HMGXB4: variants seen among roughly 807,000 people sequenced by gnomAD.
HMGXB4 encodes HMG-box containing 4, also known as HMG domain-containing protein 4.
HMGXB4 carries 27 observed loss-of-function variants against 63.9 expected under a neutral mutation model. The ratio of observed to expected loss-of-function variants is 0.42; its 90% CI spans 0.31 to 0.58. HMGXB4 has a LOEUF of 0.58. Ranked by LOEUF, HMGXB4 falls within the 20% of genes least tolerant of loss-of-function variation. The probability of loss-of-function intolerance (pLI) is 0.13; values close to 1 mark genes in which losing one functional copy is unlikely to be tolerated. For synonymous variants in HMGXB4, 264 were observed against 265.3 expected (o/e 0.99, Z 0.05); for missense variants, 624 against 700.7 (o/e 0.89, Z 1.24).
chr22:35,247,886 T>C, the HMGXB4 span, among the ~76,000 whole-genome samples: 2 of 152,280 alleles, frequency 1.3e-5, no homozygotes, highest in South Asian at 4.1e-4. Flanking sequence ...TCATGTGTCA[T>C]TTAACAACAG....
chr22:35,281,091 T>C (rs189191516), intron 5 of HMGXB4, among the ~76,000 whole-genome samples: 75 of 152,384 alleles, frequency 4.9e-4, no homozygotes, highest in Middle Eastern at 3.4e-3. Context: ...TAGAATACTT[T>C]AATGGGTTAC....
the HMGXB4 span, among the ~76,000 whole-genome samples, chr22:35,244,266 G>A: frequency 6.8e-6 from 1 of 147,624 alleles, no homozygotes; most frequent in Non-Finnish European, 1.5e-5. Flanking sequence ...TTTTTCTATT[G>A]TTCATATTGG....
At chr22:35,246,377 C>G in the HMGXB4 span, among the ~76,000 whole-genome samples, 4 of 152,044 alleles carry the variant, frequency 2.6e-5, no homozygotes, top group Non-Finnish European at 5.9e-5. Context: ...CGGGTTCACA[C>G]CATTCTCCTG....
In HMGXB4 at chr22:35,286,103, G is replaced by A. The variant is rs767889598; in HGVS notation, c.1362+42G>A. 11 of 1,381,900 alleles carry A rather than the reference G, an allele frequency of 8.0e-6. No individual in the cohort carries two copies. In the African/African-American group the frequency reaches 8.7e-5, roughly 11 times the overall value. The allele number at this position is 1,381,900 out of a possible 1,614,324, so 85.6% of individuals were successfully genotyped here. The stretch of plus-strand genomic sequence containing the variant: ...ACAAACATATTTTTCAGTGCTTCTC[G>A]CCTTCCAAAATATGTAATTCTTCCA... On this transcript the variant is annotated intron_variant, in intron 7 of 10. Transcript: ENST00000216106.
the HMGXB4 span, among the ~76,000 whole-genome samples, chr22:35,252,397 C>A: frequency 6.6e-6 from 1 of 152,200 alleles, no homozygotes; most frequent in African/African-American, 2.4e-5. Context: ...CAGCTCCTGG[C>A]AACTATTGAA....
Position 35,283,961 on chromosome 22 carries a change from G to A in HMGXB4, c.1216-1G>A. 1 of 1,612,600 alleles carries A rather than the reference G, an allele frequency of 6.2e-7. No individual in the cohort carries two copies. Among genetic ancestry groups the A allele is most frequent in the Admixed American group, 1.7e-5 (1 of 60,012 alleles). ...CTGTTGTATCTTCTATGCGGCATTAGCCAAAAAAGAAGAACATGTCGGCCT... is the reference window on the plus strand; with the variant it reads ...CTGTTGTATCTTCTATGCGGCATTAACCAAAAAAGAAGAACATGTCGGCCT... On this transcript the variant is annotated splice_acceptor_variant, in intron 5 of 10. Coordinates refer to ENST00000216106, the MANE Select transcript of HMGXB4 (RefSeq NM_001003681.3). LOFTEE classifies it high-confidence loss of function.
chr22:35,271,446 A>G (rs933538964), intron 5 of HMGXB4, among the ~76,000 whole-genome samples: 15 of 152,208 alleles, frequency 9.9e-5, no homozygotes, highest in Admixed American at 9.8e-4. Flanking sequence ...GGAGAAGAAG[A>G]TAAGTTAATT....
intron 5 of HMGXB4, among the ~76,000 whole-genome samples, chr22:35,267,018 A>T (rs1426318955): frequency 6.6e-6 from 1 of 151,942 alleles, no homozygotes; most frequent in African/African-American, 2.4e-5. Context: ...TAGGAATGGG[A>T]ATTTAGTTTG....
chr22:35,284,838 C>T (rs1924466577), intron 6 of HMGXB4, among the ~76,000 whole-genome samples: 1 of 152,216 alleles, frequency 6.6e-6, no homozygotes, highest in South Asian at 2.1e-4. Context: ...TTAACCGCTA[C>T]AAATTTCATT....
Position 35,289,005 on chromosome 22 carries a change from T to G in HMGXB4, c.1638+598T>G, listed in dbSNP as rs555278126. 7.9e-5 allele frequency among the ~76,000 whole-genome samples: 12 copies of G among 152,160 alleles called. No individual in the cohort carries two copies. In the South Asian group the frequency reaches 2.5e-3, roughly 32 times the overall value. On this transcript the variant is annotated intron_variant, in intron 9 of 10. Transcript: ENST00000216106. ...AAATACAAAAATTAGCCAGGTGTGG[T>G]GGCATGCACCTGTGGTCCCAGCTAC...
At chr22:35,270,246 T>C (rs1458713551) in intron 5 of HMGXB4, among the ~76,000 whole-genome samples, 1 of 152,114 alleles carries the variant, frequency 6.6e-6, no homozygotes, top group Non-Finnish European at 1.5e-5. Context: ...CCTGTCAGAT[T>C]AGCAGCGGCA....
At chr22:35,282,241 A>G (rs568751703) in intron 5 of HMGXB4, among the ~76,000 whole-genome samples, 11 of 152,282 alleles carry the variant, frequency 7.2e-5, no homozygotes, top group Admixed American at 2.0e-4. Flanking sequence ...CAGTGGTGCA[A>G]TCTCGGCTTA....
the HMGXB4 span, among the ~76,000 whole-genome samples, chr22:35,246,553 G>A: frequency 1.1e-4 from 16 of 152,180 alleles, no homozygotes; most frequent in Non-Finnish European, 2.2e-4. Context: ...GATTACAGGC[G>A]TGAGCCACCG....
Position 35,262,381 on chromosome 22 carries a change from C to G in HMGXB4, c.-10C>G. The G allele has an allele frequency of 1.2e-6, 2 of 1,613,826 alleles. No homozygotes were observed. The highest frequency in any genetic ancestry group is 1.7e-6 in the Non-Finnish European group (2 of 1,179,720). On this transcript the variant is annotated 5_prime_UTR_variant, in exon 2 of 11. Coordinates refer to ENST00000216106, the MANE Select transcript of HMGXB4 (RefSeq NM_001003681.3). ...CAGTGACACATTCTCAAAGGCCCTG[C>G]AGGACCACCATGGCTTATGATGACT... is the stretch of plus-strand genomic sequence containing the variant.
intron 9 of HMGXB4, among the ~76,000 whole-genome samples, chr22:35,292,620 C>T (rs1203884270): frequency 6.6e-6 from 1 of 152,168 alleles, no homozygotes; most frequent in African/African-American, 2.4e-5. Context: ...CACATCTGAG[C>T]TATATTTGTC....
chr22:35,250,466 A>G, the HMGXB4 span, among the ~76,000 whole-genome samples: 2 of 152,160 alleles, frequency 1.3e-5, no homozygotes, highest in African/African-American at 4.8e-5. Context: ...CATTATGCAT[A>G]TCTAGAGAGA....
At chr22:35,247,733 T>G in the HMGXB4 span, among the ~76,000 whole-genome samples, 1 of 150,804 alleles carries the variant, frequency 6.6e-6, no homozygotes, top group African/African-American at 2.5e-5. Context: ...GACTTTTTTT[T>G]GCTGGTTTGT....
chr22:35,280,782 T>C (rs1924197560), intron 5 of HMGXB4, among the ~76,000 whole-genome samples: 1 of 152,210 alleles, frequency 6.6e-6, no homozygotes, highest in Non-Finnish European at 1.5e-5. Context: ...TGTGCCCCCA[T>C]GTTGTTTCCT....
the HMGXB4 span, among the ~76,000 whole-genome samples, chr22:35,243,617 C>T: frequency 8.9e-3 from 1,345 of 150,330 alleles, 23 homozygotes; most frequent in African/African-American, 0.032. Context: ...GATCTCGGCT[C>T]ACTGCAACCT....
Sources: allele counts gnomAD v4.1 joint callset (sites outside exome capture counted in the v4.1 genomes callset), GRCh38; gene constraint gnomAD v4.1.1; transcripts MANE v1.5; gene names NCBI Gene and HGNC (gene_info 2026-07-23, HGNC 2026-07-21).